Variants in MYO3B observed in about 807,000 individuals in gnomAD.
MYO3B encodes the protein myosin IIIB.
In MYO3B, 156 loss-of-function variants were observed where a neutral mutation model predicts 174.6. The observed-to-expected ratio is 0.89, with a 90% CI of 0.78 to 1.02. The LOEUF (loss-of-function observed/expected upper bound fraction) is 1.02, where lower values mean the gene tolerates loss of function less well. Ranked by LOEUF, MYO3B falls within the 50% of genes least tolerant of loss-of-function variation. The pLI, the probability that MYO3B is intolerant of heterozygous loss-of-function variation, is 0.00. For missense variants in MYO3B, 1,632 were observed against 1,639.4 expected, an observed-to-expected ratio of 1.00 and a Z score of 0.08; for synonymous variants, 563 against 569.1, an observed-to-expected ratio of 0.99 and a Z score of 0.15.
chr2:170,328,723 C>T (rs2105516732), intron 7 of MYO3B, among the ~76,000 whole-genome samples: 1 of 152,044 alleles, frequency 6.6e-6, no homozygotes, highest in Admixed American at 6.6e-5. Context: ...TATAGTTACC[C>T]ACTCTGTGGA....
intron 26 of MYO3B, among the ~76,000 whole-genome samples, 187 bp from the exon 27 acceptor site, chr2:170,499,459 G>GGATT (rs371028004): frequency 5.3e-4 from 80 of 152,256 alleles, no homozygotes; most frequent in African/African-American, 1.9e-3. Context: ...CAATTATCAA[G>GGATT]GATTGGCTCA....
At chr2:170,605,620 G>C (rs1206697296) in intron 32 of MYO3B, among the ~76,000 whole-genome samples, 1 of 152,168 alleles carries the variant, frequency 6.6e-6, no homozygotes, top group Non-Finnish European at 1.5e-5. Context: ...CACTTTGGGA[G>C]GCGAGGTGGG....
At chr2:170,631,160 T>G (rs1342207500) in intron 32 of MYO3B, among the ~76,000 whole-genome samples, 1 of 152,068 alleles carries the variant, frequency 6.6e-6, no homozygotes, top group East Asian at 1.9e-4. Context: ...GAAAAAAGAT[T>G]AGATGAATGG....
chr2:170,452,110 A>T (rs918156611), intron 23 of MYO3B, among the ~76,000 whole-genome samples: 5 of 152,154 alleles, frequency 3.3e-5, no homozygotes, highest in African/African-American at 1.2e-4. Flanking sequence ...GTATCCCTCC[A>T]TAACAGCCAA....
In MYO3B at chr2:170,206,937, A is replaced by G. The variant is rs1401611088; in HGVS notation, c.321+6653A>G. ...CCTCATGTCCTTTGTCCTTATTTAA[A>G]CTCTAACCTTATCCCTGTCCCCAAA... On this transcript the variant is annotated intron_variant, in intron 3 of 34. Coordinates refer to ENST00000408978, the MANE Select transcript of MYO3B (RefSeq NM_138995.5). This position sits in a 1 kb window ranked among gnomAD's most constrained non-coding sequence, Gnocchi z 4.3. Among the ~76,000 whole-genome samples the G allele has an allele frequency of 6.6e-6, 1 of 151,892 alleles. No individual in the cohort carries two copies. The highest frequency in any genetic ancestry group is 1.9e-4 in the East Asian group (1 of 5,164).
chr2:170,185,978 G>C (rs1574541493), intron 1 of MYO3B, among the ~76,000 whole-genome samples: 3 of 152,196 alleles, frequency 2.0e-5, no homozygotes, highest in Admixed American at 2.0e-4. Context: ...ATTTTTGTAT[G>C]TTGATTTTGT....
intron 23 of MYO3B, among the ~76,000 whole-genome samples, chr2:170,459,109 G>A (rs1308881910): frequency 1.3e-5 from 2 of 152,154 alleles, no homozygotes; most frequent in Non-Finnish European, 2.9e-5. Flanking sequence ...CATAAAGGCA[G>A]AGTGGACCCA....
intron 14 of MYO3B, among the ~76,000 whole-genome samples, chr2:170,390,529 A>G (rs539317688): frequency 1.3e-5 from 2 of 152,254 alleles, no homozygotes; most frequent in African/African-American, 2.4e-5. Flanking sequence ...AAGGGCTTTG[A>G]CAGGATAAAC....
At chr2:170,256,662 A>G (rs571875896) in intron 7 of MYO3B, among the ~76,000 whole-genome samples, 1 of 152,298 alleles carries the variant, frequency 6.6e-6, no homozygotes, top group African/African-American at 2.4e-5. Flanking sequence ...CTATAAAGCA[A>G]CTACACAATT....
At chr2:170,346,899 C>T (rs912888946) in intron 8 of MYO3B, among the ~76,000 whole-genome samples, 2 of 152,194 alleles carry the variant, frequency 1.3e-5, no homozygotes, top group Admixed American at 6.5e-5. Context: ...GCATCATGAT[C>T]GCTTAGTGAC....
rs562010384 is a variant in MYO3B at position 170,208,609 on chromosome 2, A to C, written c.322-5770A>C. ...GGAGATTCCTGGTTGGTTCACAGGAACAAGCAGGGTTAGTCTAAAGGGTAG... is the reference window on the plus strand; with the variant it reads ...GGAGATTCCTGGTTGGTTCACAGGACCAAGCAGGGTTAGTCTAAAGGGTAG... On this transcript the variant is annotated intron_variant, in intron 3 of 34. Transcript: ENST00000408978. 2.4e-4 allele frequency among the ~76,000 whole-genome samples: 36 copies of C among 152,326 alleles called. No homozygotes were observed. In the South Asian group the frequency reaches 4.6e-3, roughly 19 times the overall value.
chr2:170,482,202 C>G (rs1381665819), intron 25 of MYO3B, among the ~76,000 whole-genome samples: 7 of 151,442 alleles, frequency 4.6e-5, no homozygotes, highest in Non-Finnish European at 8.8e-5. Context: ...GTCACCCAGG[C>G]TGGAGTGCAG....
chr2:170,180,996 CTA>C (rs1475226847), intron 1 of MYO3B, among the ~76,000 whole-genome samples: 1 of 152,030 alleles, frequency 6.6e-6, no homozygotes, highest in Non-Finnish European at 1.5e-5. Context: ...TTTTATGTAA[CTA>C]TTATGATTTA....
At chr2:170,639,276 T>C (rs149882623) in intron 32 of MYO3B, among the ~76,000 whole-genome samples, 6 of 152,364 alleles carry the variant, frequency 3.9e-5, no homozygotes, top group Non-Finnish European at 7.3e-5. Context: ...CTGCCTGGCA[T>C]TGTGGGTCCC....
At chr2:170,252,072 C>A (rs2093259424) in intron 7 of MYO3B, among the ~76,000 whole-genome samples, 1 of 152,190 alleles carries the variant, frequency 6.6e-6, no homozygotes, top group Admixed American at 6.5e-5. Context: ...GCATAGTTCA[C>A]CGTTCTTCCA....
intron 30 of MYO3B, among the ~76,000 whole-genome samples, chr2:170,520,287 C>T (rs1189375996): frequency 6.6e-6 from 1 of 151,872 alleles, no homozygotes; most frequent in Non-Finnish European, 1.5e-5. Flanking sequence ...GTCAGTAGTC[C>T]CACAGTTGAG....
chr2:170,184,649 G>A (rs113461614), intron 1 of MYO3B, among the ~76,000 whole-genome samples: 5,051 of 152,192 alleles, frequency 0.033, 271 homozygotes, highest in African/African-American at 0.11. Context: ...CAATAAACAT[G>A]GGAGTGCAGA....
chr2:170,187,253 G>A (rs1228851448), intron 1 of MYO3B, among the ~76,000 whole-genome samples: 1 of 151,280 alleles, frequency 6.6e-6, no homozygotes, highest in African/African-American at 2.4e-5. Context: ...GTTTTTTTCA[G>A]ATGGAGTCTT....
At chr2:170,634,406 G>A (rs1342132233) in intron 32 of MYO3B, among the ~76,000 whole-genome samples, 1 of 152,188 alleles carries the variant, frequency 6.6e-6, no homozygotes, top group African/African-American at 2.4e-5. Flanking sequence ...TGGGAAAACT[G>A]GCTAGCCATA....
Sources: allele counts gnomAD v4.1 joint callset (sites outside exome capture counted in the v4.1 genomes callset), GRCh38; gene constraint gnomAD v4.1.1; non-coding constraint Gnocchi (gnomAD v3.1); transcripts MANE v1.5; gene names NCBI Gene and HGNC (gene_info 2026-07-23, HGNC 2026-07-21).